ETS2: variants seen among roughly 807,000 people sequenced by gnomAD.
The protein encoded by ETS2 is protein C-ets-2.
ETS2 carries 19 observed loss-of-function variants against 54.9 expected under a neutral mutation model. The observed-to-expected ratio is 0.35, with a 90% CI of 0.24 to 0.51. The LOEUF is 0.51. ETS2 is among the 20% of genes least tolerant of loss of function. The pLI, the probability that ETS2 is intolerant of heterozygous loss-of-function variation, is 0.97. For synonymous variants in ETS2, 219 were observed against 229.3 expected (o/e 0.95, Z 0.41); for missense variants, 417 against 593.0 (o/e 0.70, Z 3.08).
rs1569025687 is a variant in ETS2, at chr21:38,819,492, G to A, written c.812-11G>A. 1 of 1,613,232 alleles carries A rather than the reference G, an allele frequency of 6.2e-7. No individual in the cohort carries two copies. Among genetic ancestry groups the A allele is most frequent in the Non-Finnish European group, 8.5e-7 (1 of 1,179,234 alleles). On this transcript the variant is annotated splice_polypyrimidine_tract_variant and intron_variant, in intron 7 of 9. Transcript: ENST00000360938. ...GAGGAATCAAAGTATGTGTTTGGTT[G>A]TCTTTGCCAGGGACTCCCAAAGACC...
In ETS2 at chr21:38,806,299, G is replaced by A. The variant is rs1349773207; in HGVS notation, c.-1+179G>A. 1.1e-6 allele frequency: 1 copy of A among 946,092 alleles called. No individual in the cohort carries two copies. The highest frequency in any genetic ancestry group is 1.3e-6 in the Non-Finnish European group (1 of 794,050). 58.6% of individuals were successfully genotyped at this position (946,092 alleles called of 1,614,324 possible). A position where few individuals can be genotyped will look rare whatever the true frequency, so the allele number is the denominator to read the frequency against. ...CTAGGGGCGCGCGTCTGAGTTCCGC[G>A]CCGGCTCGTTTTCCGGTTATGGAGT... On this transcript the variant is annotated intron_variant, in intron 1 of 9. Coordinates refer to ENST00000360938, the MANE Select transcript of ETS2 (RefSeq NM_005239.6). This position sits in a 1 kb window ranked among gnomAD's most constrained non-coding sequence, Gnocchi z 4.3.
In ETS2 at chr21:38,818,728, C is replaced by T. The variant is rs1444939839; in HGVS notation, c.811+82C>T. The T allele has an allele frequency of 2.7e-6, 4 of 1,487,194 alleles. No homozygotes were observed. The South Asian group carries it at 4.6e-5, about 17-fold the overall frequency. 92.1% of individuals were successfully genotyped at this position (1,487,194 alleles called of 1,614,324 possible). On this transcript the variant is annotated intron_variant, in intron 7 of 9. Coordinates refer to ENST00000360938, the MANE Select transcript of ETS2 (RefSeq NM_005239.6). ...GCCATAATGAACCTCTTAATAAATA[C>T]TTCCTGGATTCAGCCATTAGAGAAG...
At chr21:38,812,963 A>T in intron 2 of ETS2, 40 bp from the exon 3 acceptor site, 1 of 1,371,952 alleles carries the variant, frequency 7.3e-7, no homozygotes, top group Non-Finnish European at 1.0e-6. Flanking sequence ...CAATCAGTTT[A>T]AATATTGTAT....
In ETS2 at chr21:38,823,002, GTGGCCAAGAAGCAGTGGCCTTAT is replaced by G. The variant is rs2060964747; in HGVS notation, c.*116_*138del. On this transcript the variant is annotated 3_prime_UTR_variant, in exon 10 of 10. Coordinates refer to ENST00000360938, the MANE Select transcript of ETS2 (RefSeq NM_005239.6). Reference sequence around the variant, plus strand: ...GGCAGGATTGAAAATGTCCAGGAAAGTGGCCAAGAAGCAGTGGCCTTATTGCATCCCAAACCACGCCTCTTGAC... The same window carrying G: ...GGCAGGATTGAAAATGTCCAGGAAAGTGCATCCCAAACCACGCCTCTTGAC... 6 of 902,212 alleles carry G rather than the reference GTGGCCAAGAAGCAGTGGCCTTAT, an allele frequency of 6.7e-6. No homozygotes were observed. The highest frequency in any genetic ancestry group is 9.5e-6 in the Non-Finnish European group (6 of 633,342). The allele number at this position is 902,212 out of a possible 1,614,324, so 55.9% of individuals were successfully genotyped here.
rs931870186 is a variant in ETS2 at position 38,806,898 on chromosome 21, T to C, written c.-1+778T>C. The C allele has an allele frequency of 2.7e-5, 25 of 935,530 alleles. No individual in the cohort carries two copies. In the African/African-American group the frequency reaches 4.3e-4, roughly 16 times the overall value. 58.0% of individuals were successfully genotyped at this position (935,530 alleles called of 1,614,324 possible). On this transcript the variant is annotated intron_variant, in intron 1 of 9. Transcript: ENST00000360938. This position sits in a 1 kb window ranked among gnomAD's most constrained non-coding sequence, Gnocchi z 4.3. Reference sequence around the variant, plus strand: ...GCAGGAGACCTTTTATGTTAGCCTGTACACAATTTCAGGGTAGCCTAAAAC... The same window carrying C: ...GCAGGAGACCTTTTATGTTAGCCTGCACACAATTTCAGGGTAGCCTAAAAC...
chr21:38,805,194 G>C (rs564390254), upstream of ETS2: 2 of 557,884 alleles, frequency 3.6e-6, no homozygotes, highest in Non-Finnish European at 5.3e-6. The surrounding 1 kb of genome is among the most constrained non-coding windows in gnomAD (Gnocchi z 5.2). Context: ...CCACTCCCGC[G>C]GAGCCTGCGG....
rs994566003 is a variant in ETS2, at chr21:38,806,690, G to A, written c.-1+570G>A. 153 of 985,344 alleles carry A rather than the reference G, an allele frequency of 1.6e-4. No homozygotes were observed. The highest frequency in any genetic ancestry group is 1.7e-4 in the Non-Finnish European group (145 of 829,964). 61.0% of individuals were successfully genotyped at this position (985,344 alleles called of 1,614,324 possible). ...CATGGTCACCTGCTCGCCGCGTCCA[G>A]GGCCCGGGCTGGGGACCCCTCGGTC... On this transcript the variant is annotated intron_variant, in intron 1 of 9. Transcript: ENST00000360938. This position sits in a 1 kb window ranked among gnomAD's most constrained non-coding sequence, Gnocchi z 4.3.
At position 38,822,979 on chromosome 21, in the gene ETS2, C is replaced by A; in HGVS notation, c.*90C>A. 9.2e-7 allele frequency: 1 copy of A among 1,082,772 alleles called. No individual in the cohort carries two copies. The highest frequency in any genetic ancestry group is 1.3e-6 in the Non-Finnish European group (1 of 786,960). 67.1% of individuals were successfully genotyped at this position (1,082,772 alleles called of 1,614,324 possible). On this transcript the variant is annotated 3_prime_UTR_variant, in exon 10 of 10. Transcript: ENST00000360938. ...AGCTGCTCCGAGGACCCAGGAAAGG[C>A]AGGATTGAAAATGTCCAGGAAAGTG... is the stretch of plus-strand genomic sequence containing the variant.
chr21:38,817,164 T>C, intron 6 of ETS2, 73 bp downstream of exon 6: 1 of 1,024,892 alleles, frequency 9.8e-7, no homozygotes, highest in Non-Finnish European at 1.5e-6. Context: ...CTCTCTACTG[T>C]AGGCTCCTAA....
chr21:38,814,261 G>A lies in ETS2; in HGVS notation c.185-12G>A. ...TGAAGTCCTAATGTCCCCATGGGGG[G>A]TTTCCTTCCAGACTCCGCCAACTGT... On this transcript the variant is annotated splice_polypyrimidine_tract_variant and intron_variant, in intron 3 of 9. Transcript: ENST00000360938. The surrounding 1 kb of genome is among the most constrained non-coding windows in gnomAD (Gnocchi z 4.2). 6.2e-7 allele frequency: 1 copy of A among 1,613,758 alleles called. No homozygotes were observed. Among genetic ancestry groups the A allele is most frequent in the African/African-American group, 1.3e-5 (1 of 75,012 alleles).
Position 38,818,630 on chromosome 21 carries a change from G to T in ETS2, c.795G>T (p.Leu265Phe). 6.2e-7 allele frequency: 1 copy of T among 1,614,166 alleles called. No individual in the cohort carries two copies. The highest frequency in any genetic ancestry group is 1.1e-5 in the South Asian group (1 of 91,080). The part of the protein sequence containing the change: ...SQDFPGSNLN[L>F]LTNNSGTPKD... ...ACTTCCCAGGCAGCAACTTGAATTTGCTCACCAACAATTCTGGTAAGATTG... is the reference window on the plus strand; with the variant it reads ...ACTTCCCAGGCAGCAACTTGAATTTTCTCACCAACAATTCTGGTAAGATTG... The change falls in exon 7 of 10, where the codon TTG (leucine) becomes TTT (phenylalanine). Residue 265 changes from leucine (L) to phenylalanine (F), a missense_variant. Leu to Phe is a conservative substitution (Grantham distance 22, BLOSUM62 0). Coordinates refer to ENST00000360938, the MANE Select transcript of ETS2 (RefSeq NM_005239.6).
chr21:38,810,163 A>G (rs886651853), intron 2 of ETS2, 57 bp downstream of exon 2: 76 of 1,049,844 alleles, frequency 7.2e-5, no homozygotes, highest in Non-Finnish European at 1.0e-4. Flanking sequence ...CTCTAGGAGG[A>G]AAGAAAAAAA....
chr21:38,805,820 C>A, upstream of ETS2: 1 of 908,658 alleles, frequency 1.1e-6, no homozygotes, highest in Non-Finnish European at 1.4e-6. This position sits in a 1 kb window ranked among gnomAD's most constrained non-coding sequence, Gnocchi z 5.2. Flanking sequence ...CCTCTCTCTT[C>A]TCTCCTCCCT....
In ETS2 at chr21:38,806,460, G is replaced by A. The variant is rs1438180992; in HGVS notation, c.-1+340G>A. On this transcript the variant is annotated intron_variant, in intron 1 of 9. Transcript: ENST00000360938. This position sits in a 1 kb window ranked among gnomAD's most constrained non-coding sequence, Gnocchi z 4.3. ...CTTTTGTTTTTAAAAGGAAACGCAGGCCTGGTAGGGGGTCCTGCCCAGTGG... is the reference window on the plus strand; with the variant it reads ...CTTTTGTTTTTAAAAGGAAACGCAGACCTGGTAGGGGGTCCTGCCCAGTGG... 10 of 985,444 alleles carry A rather than the reference G, an allele frequency of 1.0e-5. No homozygotes were observed. Among genetic ancestry groups the A allele is most frequent in the Non-Finnish European group, 1.2e-5 (10 of 830,054 alleles). 61.0% of individuals were successfully genotyped at this position (985,444 alleles called of 1,614,324 possible). A position where few individuals can be genotyped will look rare whatever the true frequency, so the allele number is the denominator to read the frequency against.
Position 38,823,142 on chromosome 21 carries a change from C to T in ETS2, c.*253C>T, listed in dbSNP as rs1255824249. On this transcript the variant is annotated 3_prime_UTR_variant, in exon 10 of 10. Transcript: ENST00000360938. ...GGTCGAGAAAGAGGCACCAGGAAGC[C>T]GTCCTGGCGCCTGGCAGTCCGTGGG... 3.0e-6 allele frequency: 1 copy of T among 332,572 alleles called. No individual in the cohort carries two copies. The highest frequency in any genetic ancestry group is 1.1e-4 in the South Asian group (1 of 8,998). The allele number at this position is 332,572 out of a possible 1,614,324, so 20.6% of individuals were successfully genotyped here.
At chr21:38,810,218 T>G (rs1243232378) in intron 2 of ETS2, 112 bp downstream of exon 2, 6 of 619,106 alleles carry the variant, frequency 9.7e-6, no homozygotes, top group Non-Finnish European at 1.6e-5. Flanking sequence ...GCTTCTTAAT[T>G]TATTGGCCAT....
chr21:38,815,037 CTGAT>C (rs2060927787), intron 5 of ETS2, 56 bp downstream of exon 5: 2 of 1,560,810 alleles, frequency 1.3e-6, no homozygotes, highest in South Asian at 1.1e-5. Flanking sequence ...GCCGGGAAGA[CTGAT>C]TGGGAAAGTC....
In ETS2 at chr21:38,814,652, T is replaced by A; in HGVS notation, c.305-129T>A. On this transcript the variant is annotated intron_variant, in intron 4 of 9. Coordinates refer to ENST00000360938, the MANE Select transcript of ETS2 (RefSeq NM_005239.6). This position sits in a 1 kb window ranked among gnomAD's most constrained non-coding sequence, Gnocchi z 4.2. ...GTGTCAGAATGGTGACGTGTCATCA[T>A]GGTATCTTGCTCATTCGTGGGTTCT... 1.1e-6 allele frequency: 1 copy of A among 871,520 alleles called. No individual in the cohort carries two copies. The highest frequency in any genetic ancestry group is 1.6e-5 in the South Asian group (1 of 61,476). The allele number at this position is 871,520 out of a possible 1,614,324, so 54.0% of individuals were successfully genotyped here. A position where few individuals can be genotyped will look rare whatever the true frequency, so the allele number is the denominator to read the frequency against.
chr21:38,814,535 G>C lies in ETS2; in HGVS notation c.304+143G>C. On this transcript the variant is annotated intron_variant, in intron 4 of 9. Transcript: ENST00000360938. This position sits in a 1 kb window ranked among gnomAD's most constrained non-coding sequence, Gnocchi z 4.2. The stretch of plus-strand genomic sequence containing the variant: ...ATGTCGTTAACCTGAGCCAGTTTCT[G>C]TTTCACCCCAATCAACCCAAGACTT... The C allele has an allele frequency of 2.8e-6, 3 of 1,056,830 alleles. No homozygotes were observed. Among genetic ancestry groups the C allele is most frequent in the Non-Finnish European group, 4.1e-6 (3 of 737,160 alleles). The allele number at this position is 1,056,830 out of a possible 1,614,324, so 65.5% of individuals were successfully genotyped here.
Sources: gnomAD v4.1 joint callset for allele counts on GRCh38, gnomAD v4.1.1 for gene constraint, Gnocchi (gnomAD v3.1) non-coding constraint, MANE v1.5 for transcripts, NCBI Gene and HGNC (gene_info 2026-07-23, HGNC 2026-07-21) for gene names.